Variants in PGM5 observed in about 807,000 individuals in gnomAD.
The protein encoded by PGM5 is phosphoglucomutase 5, also known as phosphoglucomutase-like protein 5.
In PGM5, 23 loss-of-function variants were observed where a neutral mutation model predicts 59.2. The observed-to-expected ratio is 0.39, with a 90% CI of 0.28 to 0.55. The LOEUF is 0.55. PGM5 is among the 20% of genes least tolerant of loss of function. The pLI is 0.66. For synonymous variants in PGM5, 214 were observed against 286.0 expected (o/e 0.75, Z 2.54); for missense variants, 574 against 748.3 (o/e 0.77, Z 2.72).
chr9:68,484,189 C>G, intron 9 of PGM5, 141 bp downstream of exon 9: 1 of 715,232 alleles, frequency 1.4e-6, no homozygotes. Flanking sequence ...AAGAGGAAAG[C>G]CCTTGATGAA....
chr9:68,409,753 A>G (rs1300898100), intron 6 of PGM5, among the ~76,000 whole-genome samples: 1 of 135,028 alleles, frequency 7.4e-6, no homozygotes, highest in Non-Finnish European at 1.6e-5. Context: ...GAGGGATAGC[A>G]TTGGGAGATA....
At chr9:68,504,389 C>T (rs1035696236) in intron 10 of PGM5, among the ~76,000 whole-genome samples, 22 of 152,260 alleles carry the variant, frequency 1.4e-4, no homozygotes, top group Non-Finnish European at 2.6e-4. Context: ...AGAGAAGAGC[C>T]CAAACCCTTA....
At chr9:68,454,220 C>T (rs1385546601) in intron 6 of PGM5, among the ~76,000 whole-genome samples, 1 of 152,140 alleles carries the variant, frequency 6.6e-6, no homozygotes, top group Non-Finnish European at 1.5e-5. Context: ...AAGGTTCCTG[C>T]CAAGCAGCCC....
At position 68,529,717 on chromosome 9, in the gene PGM5, T is replaced by C; in HGVS notation, c.*61T>C. The C allele has an allele frequency of 1.0e-6, 1 of 972,074 alleles. No homozygotes were observed. The highest frequency in any genetic ancestry group is 3.2e-5 in the East Asian group (1 of 31,486). The allele number at this position is 972,074 out of a possible 1,614,324, so 60.2% of individuals were successfully genotyped here. On this transcript the variant is annotated 3_prime_UTR_variant, in exon 11 of 11. Coordinates refer to ENST00000396396, the MANE Select transcript of PGM5 (RefSeq NM_021965.4). ...TGCTCAGCGGGAGATGCTTCACTGA[T>C]GCCTTCTTGCTACCTGTTTGTGCCT... is the stretch of plus-strand genomic sequence containing the variant.
intron 6 of PGM5, among the ~76,000 whole-genome samples, chr9:68,464,046 C>A (rs1242654737): frequency 1.3e-5 from 2 of 152,144 alleles, no homozygotes; most frequent in African/African-American, 4.8e-5. Flanking sequence ...CAAATTGTTG[C>A]ATGCGGCAAT....
At chr9:68,404,251 C>T (rs1315710971) in intron 6 of PGM5, among the ~76,000 whole-genome samples, 6 of 152,212 alleles carry the variant, frequency 3.9e-5, no homozygotes, top group East Asian at 1.9e-4. Context: ...CTCAGCCTCC[C>T]GAGCAGCTGG....
At chr9:68,374,115 A>C (rs1356538080) in intron 1 of PGM5, among the ~76,000 whole-genome samples, 38 of 152,228 alleles carry the variant, frequency 2.5e-4, no homozygotes, top group Non-Finnish European at 4.1e-4. Flanking sequence ...GGGCTTCCTA[A>C]GTTTTTGTGG....
At chr9:68,481,355 C>A (rs1824193997) in intron 8 of PGM5, among the ~76,000 whole-genome samples, 1 of 152,146 alleles carries the variant, frequency 6.6e-6, no homozygotes, top group Non-Finnish European at 1.5e-5. Context: ...TTCAGTGTAT[C>A]ATAAAAAATG....
intron 10 of PGM5, among the ~76,000 whole-genome samples, chr9:68,521,107 C>T (rs1375221757): frequency 6.6e-6 from 1 of 152,166 alleles, no homozygotes; most frequent in Non-Finnish European, 1.5e-5. Flanking sequence ...TGAGTAGGTT[C>T]AGAGCTCAGC....
At chr9:68,420,012 G>A (rs1430041120) in intron 6 of PGM5, among the ~76,000 whole-genome samples, 1 of 152,156 alleles carries the variant, frequency 6.6e-6, no homozygotes, top group Non-Finnish European at 1.5e-5. Context: ...CATGGAAAAT[G>A]TCTTGACCCC....
intron 10 of PGM5, among the ~76,000 whole-genome samples, chr9:68,503,246 A>G (rs1824606559): frequency 6.6e-6 from 1 of 152,242 alleles, no homozygotes. Flanking sequence ...CAATAAACCC[A>G]TCATAAGTTG....
At chr9:68,484,578 A>ACACAC (rs1491179842) in intron 9 of PGM5, among the ~76,000 whole-genome samples, 19 of 143,588 alleles carry the variant, frequency 1.3e-4, no homozygotes, top group African/African-American at 4.7e-4. Context: ...ACACACACAC[A>ACACAC]AAACAAAACA....
At position 68,437,693 on chromosome 9, in the gene PGM5, A is replaced by T. The variant is rs1823462238; in HGVS notation, c.1044-27400A>T. 6.6e-6 allele frequency among the ~76,000 whole-genome samples: 1 copy of T among 152,244 alleles called. No homozygotes were observed. The highest frequency in any genetic ancestry group is 1.5e-5 in the Non-Finnish European group (1 of 68,052). On this transcript the variant is annotated intron_variant, in intron 6 of 10. Coordinates refer to ENST00000396396, the MANE Select transcript of PGM5 (RefSeq NM_021965.4). This position sits in a 1 kb window ranked among gnomAD's most constrained non-coding sequence, Gnocchi z 4.1. ...GCCAGTATCTCTCTAGACTAAAAGT[A>T]GTAAACATTCTCTGCAGTTTTATTT...
At chr9:68,522,917 T>A (rs569894330) in intron 10 of PGM5, among the ~76,000 whole-genome samples, 8 of 152,234 alleles carry the variant, frequency 5.3e-5, no homozygotes, top group African/African-American at 1.9e-4. Flanking sequence ...TTTCTTATAA[T>A]TTTTTGTCAC....
chr9:68,371,586 A>C (rs140931224), intron 1 of PGM5: 54 of 152,290 alleles, frequency 3.5e-4, no homozygotes, highest in African/African-American at 1.3e-3. Context: ...GGATTTTAAC[A>C]ACCCTCTTCT....
At position 68,523,142 on chromosome 9, in the gene PGM5, G is replaced by A. The variant is rs1427663976; in HGVS notation, c.1615-6425G>A. 3.3e-5 allele frequency among the ~76,000 whole-genome samples: 5 copies of A among 152,152 alleles called. No individual in the cohort carries two copies. In the East Asian group the frequency reaches 7.7e-4, roughly 23 times the overall value. ...TAGGTTGCTAGCCAGCCTCTCTATT[G>A]GCTGCCTGTAGGTCAGACAGCCACT... On this transcript the variant is annotated intron_variant, in intron 10 of 10. Transcript: ENST00000396396.
In PGM5 at chr9:68,419,395, G is replaced by A. The variant is rs148797736; in HGVS notation, c.1043+26922G>A. ...TGCTGAGCTCCCAGCCCTTATCTTT[G>A]CTTCTCCCCCTCCATTTCCACCAGT... On this transcript the variant is annotated intron_variant, in intron 6 of 10. Coordinates refer to ENST00000396396, the MANE Select transcript of PGM5 (RefSeq NM_021965.4). Among the ~76,000 whole-genome samples the A allele has an allele frequency of 5.1e-3, 778 of 152,220 alleles. 3 individuals carry two copies. The highest frequency in any genetic ancestry group is 4.9e-3 in the Non-Finnish European group (332 of 68,008).
chr9:68,511,691 C>G (rs1373771007), intron 10 of PGM5, among the ~76,000 whole-genome samples: 3 of 151,428 alleles, frequency 2.0e-5, no homozygotes, highest in African/African-American at 7.3e-5. Flanking sequence ...GCTGGGACTA[C>G]AGGCATGCGT....
chr9:68,484,373 C>CA (rs1188951508), intron 9 of PGM5, among the ~76,000 whole-genome samples: 1,500 of 106,282 alleles, frequency 0.014, 12 homozygotes, highest in Admixed American at 0.024. Flanking sequence ...CCATCTCTAC[C>CA]AAAAAAAAAA....
Sources: allele counts gnomAD v4.1 joint callset (sites outside exome capture counted in the v4.1 genomes callset), GRCh38; gene constraint gnomAD v4.1.1; non-coding constraint Gnocchi (gnomAD v3.1); transcripts MANE v1.5; gene names NCBI Gene and HGNC (gene_info 2026-07-23, HGNC 2026-07-21).